TEC: variants seen among roughly 807,000 people sequenced by gnomAD.
TEC encodes the protein tec protein tyrosine kinase.
A neutral mutation model predicts 93.0 loss-of-function variants in TEC; 72 were observed. The observed-to-expected ratio is 0.77, with a 90% CI of 0.64 to 0.94. The LOEUF is 0.94. Among genes scored for constraint, TEC ranks in the 40% least tolerant of loss-of-function variants. The pLI, the probability that TEC is intolerant of heterozygous loss-of-function variation, is 0.00. For missense variants in TEC, 630 were observed against 757.9 expected, an observed-to-expected ratio of 0.83 and a Z score of 1.98; for synonymous variants, 249 against 247.7, an observed-to-expected ratio of 1.01 and a Z score of -0.05.
intron 3 of TEC, among the ~76,000 whole-genome samples, 156 bp downstream of exon 3, chr4:48,175,926 C>A (rs538718028): frequency 1.3e-5 from 2 of 152,230 alleles, no homozygotes; most frequent in South Asian, 4.2e-4. Flanking sequence ...AATGTTTCCA[C>A]AAAGACTTAA....
intron 2 of TEC, among the ~76,000 whole-genome samples, chr4:48,206,667 C>T (rs988168990): frequency 1.3e-5 from 2 of 149,892 alleles, no homozygotes; most frequent in Non-Finnish European, 1.5e-5. Context: ...GTTGGCCAGG[C>T]GTGATGGCTC....
intron 1 of TEC, among the ~76,000 whole-genome samples, chr4:48,262,110 C>T (rs144005912): frequency 0.015 from 2,341 of 151,878 alleles, 28 homozygotes; most frequent in Middle Eastern, 0.024. Context: ...ATATTTCAAT[C>T]CATATATAGA....
At chr4:48,180,107 T>A (rs1367609507) in intron 2 of TEC, among the ~76,000 whole-genome samples, 1 of 152,176 alleles carries the variant, frequency 6.6e-6, no homozygotes, top group African/African-American at 2.4e-5. Flanking sequence ...CTCTGTGATA[T>A]ATAATCTCCT....
At chr4:48,138,020 T>G (rs1577689580) in intron 17 of TEC, among the ~76,000 whole-genome samples, 1 of 152,200 alleles carries the variant, frequency 6.6e-6, no homozygotes, top group African/African-American at 2.4e-5. Context: ...TGGTTGAGAC[T>G]CTGGGCTTTG....
chr4:48,250,288 G>T (rs189807749), intron 1 of TEC, among the ~76,000 whole-genome samples: 1 of 152,138 alleles, frequency 6.6e-6, no homozygotes, highest in Non-Finnish European at 1.5e-5. Context: ...TAATTCATCA[G>T]CATGTTCTTT....
intron 7 of TEC, among the ~76,000 whole-genome samples, chr4:48,166,094 G>A (rs1209850308): frequency 6.6e-6 from 1 of 152,218 alleles, no homozygotes; most frequent in Non-Finnish European, 1.5e-5. Context: ...GGCTGGCCAT[G>A]TGCATTCCCT....
chr4:48,189,086 GA>G (rs1722001523), intron 2 of TEC, among the ~76,000 whole-genome samples: 1 of 151,932 alleles, frequency 6.6e-6, no homozygotes, highest in African/African-American at 2.4e-5. Context: ...TGTGTCTAAG[GA>G]AAAAAACATT....
intron 2 of TEC, among the ~76,000 whole-genome samples, chr4:48,208,482 G>T (rs746518331): frequency 3.3e-5 from 5 of 152,076 alleles, no homozygotes; most frequent in African/African-American, 1.2e-4. Flanking sequence ...AAATGAATTT[G>T]CCCAGCTCTC....
intron 1 of TEC, among the ~76,000 whole-genome samples, chr4:48,269,192 T>A (rs1356023888): frequency 4.0e-5 from 6 of 150,632 alleles, no homozygotes; most frequent in Admixed American, 3.3e-4. Context: ...TACTGCCAAA[T>A]TTTTTTTTTA....
intron 1 of TEC, among the ~76,000 whole-genome samples, chr4:48,248,126 A>G (rs759697547): frequency 2.0e-5 from 3 of 152,204 alleles, no homozygotes; most frequent in African/African-American, 4.8e-5. Context: ...TGTCCAACAC[A>G]GTATCAGCAG....
chr4:48,199,857 T>C (rs1185111264), intron 2 of TEC, among the ~76,000 whole-genome samples: 4 of 152,224 alleles, frequency 2.6e-5, no homozygotes, highest in African/African-American at 9.7e-5. Flanking sequence ...AGTTTTGCTT[T>C]AAATTTATTT....
At chr4:48,206,991 C>A (rs375915542) in intron 2 of TEC, among the ~76,000 whole-genome samples, 1 of 151,894 alleles carries the variant, frequency 6.6e-6, no homozygotes, top group Non-Finnish European at 1.5e-5. Flanking sequence ...AAAAACCCCA[C>A]AAATAAAGAA....
intron 2 of TEC, among the ~76,000 whole-genome samples, chr4:48,210,943 T>C (rs1286617077): frequency 6.6e-6 from 1 of 152,192 alleles, no homozygotes. Context: ...TATATAATAA[T>C]AACAGCTGCT....
chr4:48,153,809 G>A (rs892542477), intron 9 of TEC, among the ~76,000 whole-genome samples: 1 of 152,192 alleles, frequency 6.6e-6, no homozygotes, highest in Non-Finnish European at 1.5e-5. Context: ...ACCCAGCCCT[G>A]CAGCAACGCC....
intron 1 of TEC, among the ~76,000 whole-genome samples, chr4:48,253,856 G>T (rs113744040): frequency 2.0e-5 from 3 of 151,988 alleles, no homozygotes; most frequent in Admixed American, 1.3e-4. Flanking sequence ...TATTATAGGC[G>T]TGAGCCACCG....
At chr4:48,252,734 C>A (rs1487020485) in intron 1 of TEC, among the ~76,000 whole-genome samples, 1 of 152,150 alleles carries the variant, frequency 6.6e-6, no homozygotes, top group Non-Finnish European at 1.5e-5. Flanking sequence ...GAAGGCTTCC[C>A]AAATCATGTT....
At chr4:48,161,215 A>C (rs1334576361) in intron 8 of TEC, among the ~76,000 whole-genome samples, 1 of 152,094 alleles carries the variant, frequency 6.6e-6, no homozygotes, top group Non-Finnish European at 1.5e-5. Flanking sequence ...ACAAAGGAAA[A>C]ACATAAAACC....
intron 2 of TEC, among the ~76,000 whole-genome samples, chr4:48,214,469 T>G (rs1194284238): frequency 6.6e-6 from 1 of 152,234 alleles, no homozygotes; most frequent in Non-Finnish European, 1.5e-5. Flanking sequence ...AAATTTATGA[T>G]GATGCAAAAG....
chr4:48,157,773 T>C (rs903255913), intron 8 of TEC, among the ~76,000 whole-genome samples: 1 of 152,120 alleles, frequency 6.6e-6, no homozygotes, highest in Non-Finnish European at 1.5e-5. Context: ...ACCTTGGCTT[T>C]CCAAAATCCT....
Sources: gnomAD v4.1 joint callset for allele counts (sites outside exome capture counted in the v4.1 genomes callset) on GRCh38, gnomAD v4.1.1 for gene constraint, MANE v1.5 for transcripts, NCBI Gene and HGNC (gene_info 2026-07-23, HGNC 2026-07-21) for gene names.